Variants in KDM4E observed in about 807,000 individuals in gnomAD.
KDM4E encodes lysine-specific demethylase 4E.
For synonymous variants in KDM4E, 229 were observed against 232.9 expected, an observed-to-expected ratio of 0.98 and a Z score of 0.15; for missense variants, 576 against 642.6, an observed-to-expected ratio of 0.90 and a Z score of 1.12.
Position 95,027,390 on chromosome 11 carries a change from C to G in KDM4E, c.*312C>G. ...TTTTACGGCTCTAGGGTTCTGACTCCAACTAAGTTTTCCAGAATCTCCTGG... is the reference window on the plus strand; with the variant it reads ...TTTTACGGCTCTAGGGTTCTGACTCGAACTAAGTTTTCCAGAATCTCCTGG... On this transcript the variant is annotated 3_prime_UTR_variant, in exon 1 of 1. Coordinates refer to ENST00000450979, the MANE Select transcript of KDM4E (RefSeq NM_001161630.1). The G allele has an allele frequency of 2.8e-6, 1 of 355,982 alleles. No individual in the cohort carries two copies. The highest frequency in any genetic ancestry group is 5.3e-5 in the South Asian group (1 of 19,046). The allele number at this position is 355,982 out of a possible 1,614,324, so 22.1% of individuals were successfully genotyped here.
Position 95,025,839 on chromosome 11 carries a change from G to C in KDM4E, c.282G>C (p.Arg94Ser). The C allele has an allele frequency of 6.3e-7, 1 of 1,595,336 alleles. No homozygotes were observed. Among genetic ancestry groups the C allele is most frequent in the Non-Finnish European group, 8.5e-7 (1 of 1,176,344 alleles). Residue 94 changes from arginine (R) to serine (S), a missense_variant, in exon 1 of 1, where the codon AGG becomes AGC. By Grantham distance (110) the Arg-to-Ser change is moderately radical. Coordinates refer to ENST00000450979, the MANE Select transcript of KDM4E (RefSeq NM_001161630.1). ...ACCATAAAAAGAAGAAAGCCATGAG[G>C]GTGGGGCAGTATCGCCGCTTGGCAA... ...TQYHKKKKAMRVGQYRRLANS... is the reference protein window; with the variant it reads ...TQYHKKKKAMSVGQYRRLANS...
Position 95,027,370 on chromosome 11 carries a change from C to T in KDM4E, c.*292C>T, listed in dbSNP as rs1325064814. 2.1e-5 allele frequency: 9 copies of T among 428,618 alleles called. No individual in the cohort carries two copies. The highest frequency in any genetic ancestry group is 2.0e-4 in the East Asian group (5 of 24,528). The allele number at this position is 428,618 out of a possible 1,614,324, so 26.6% of individuals were successfully genotyped here. A position where few individuals can be genotyped will look rare whatever the true frequency, so the allele number is the denominator to read the frequency against. On this transcript the variant is annotated 3_prime_UTR_variant, in exon 1 of 1. Coordinates refer to ENST00000450979, the MANE Select transcript of KDM4E (RefSeq NM_001161630.1). ...AGGCTGTAGCAATGGACCACTTTTA[C>T]GGCTCTAGGGTTCTGACTCCAACTA...
At position 95,027,142 on chromosome 11, in the gene KDM4E, T is replaced by G; in HGVS notation, c.*64T>G. 1 of 1,506,074 alleles carries G rather than the reference T, an allele frequency of 6.6e-7. No individual in the cohort carries two copies. The highest frequency in any genetic ancestry group is 8.8e-7 in the Non-Finnish European group (1 of 1,132,490). The allele number at this position is 1,506,074 out of a possible 1,614,324, so 93.3% of individuals were successfully genotyped here. ...TGCTGTGTCCCTGATCTTCAACTCC[T>G]GGGGCCCCCACTGGATCGTGATGAA... On this transcript the variant is annotated 3_prime_UTR_variant, in exon 1 of 1. Transcript: ENST00000450979.
At position 95,027,052 on chromosome 11, in the gene KDM4E, G is replaced by C. The variant is rs1555103070; in HGVS notation, c.1495G>C (p.Asp499His). The change falls in exon 1 of 1, where the codon GAT (aspartate) becomes CAT (histidine). Residue 499 changes from aspartate (D) to histidine (H), a missense_variant. By Grantham distance (81) the Asp-to-His change is moderately conservative. Transcript: ENST00000450979. The part of the protein sequence containing the change: ...GHRPQLPLAN[D>H]LMTNLSL ...CAGGCCTCAGCTCCCGCTTGCCAATGATTTGATGACAAATCTGTCCCTTTG... is the reference window on the plus strand; with the variant it reads ...CAGGCCTCAGCTCCCGCTTGCCAATCATTTGATGACAAATCTGTCCCTTTG... 1 of 1,537,156 alleles carries C rather than the reference G, an allele frequency of 6.5e-7. No homozygotes were observed. Among genetic ancestry groups the C allele is most frequent in the East Asian group, 2.4e-5 (1 of 40,902 alleles).
In KDM4E at chr11:95,026,778, C is replaced by T. The variant is rs1555103016; in HGVS notation, c.1221C>T (p.Phe407=). The T allele has an allele frequency of 6.5e-7, 1 of 1,537,282 alleles. No individual in the cohort carries two copies. Among genetic ancestry groups the T allele is most frequent in the Admixed American group, 2.0e-5 (1 of 51,006 alleles). The stretch of plus-strand genomic sequence containing the variant: ...CTGATGCTGTGCCTGGATCCGCATT[C>T]CAAAGCTCTGCATATCATACCCAGA... ...CGTDAVPGSA[F]QSSAYHTQTQ... The change falls in exon 1 of 1, where the codon TTC becomes TTT. Residue 407 remains phenylalanine, a synonymous_variant. Transcript: ENST00000450979.
Position 95,026,874 on chromosome 11 carries a change from T to C in KDM4E, c.1317T>C (p.Arg439=), listed in dbSNP as rs1858275759. The part of the protein sequence containing the change: ...LPSTGSWGSG[R]GRGRGQGQGR... ...CCACTGGAAGCTGGGGTTCTGGTCGTGGTCGTGGTCGTGGTCAAGGTCAAG... is the reference window on the plus strand; with the variant it reads ...CCACTGGAAGCTGGGGTTCTGGTCGCGGTCGTGGTCGTGGTCAAGGTCAAG... Residue 439 remains arginine, a synonymous_variant, in exon 1 of 1, where the codon CGT becomes CGC. Transcript: ENST00000450979. 2.0e-6 allele frequency: 3 copies of C among 1,537,106 alleles called. No homozygotes were observed. Among genetic ancestry groups the C allele is most frequent in the South Asian group, 1.2e-5 (1 of 84,066 alleles).
rs1434255336 is a variant in KDM4E, at chr11:95,026,647, CT to C, written c.1092del (p.Arg365GlufsTer7). The C allele has an allele frequency of 6.5e-7, 1 of 1,537,262 alleles. No individual in the cohort carries two copies. The highest frequency in any genetic ancestry group is 1.4e-5 in the African/African-American group (1 of 73,168). ...GAGCAACTGGAGAGATGATATAGTA[CT>C]TAGAAGAGCTGCTCTGGGCCTGAGG... is the stretch of plus-strand genomic sequence containing the variant. ...ELSNWRDDIV[L>X]RRAALGLRLL... is the part of the protein sequence containing the mutation. On this transcript the variant is annotated frameshift_variant, in exon 1 of 1. Transcript: ENST00000450979. LOFTEE classifies it low-confidence loss of function (END_TRUNC).
chr11:95,025,746 C>A lies in KDM4E; in HGVS notation c.189C>A (p.Ile63=), dbSNP rs1960159. 1.9e-6 allele frequency: 3 copies of A among 1,557,290 alleles called. No homozygotes were observed. Among genetic ancestry groups the A allele is most frequent in the Non-Finnish European group, 2.6e-6 (3 of 1,159,702 alleles). ...AAGCCAGACAGATGTATGATGATAT[C>A]GAAGACATCTTAATAGCCACTCCCC... ...EWKARQMYDD[I]EDILIATPLQ... is the part of the protein sequence containing the mutation. The change falls in exon 1 of 1, where the codon ATC becomes ATA. Residue 63 remains isoleucine (I), a synonymous_variant. Coordinates refer to ENST00000450979, the MANE Select transcript of KDM4E (RefSeq NM_001161630.1).
chr11:95,025,956 T>C lies in KDM4E; in HGVS notation c.399T>C (p.Tyr133=). 1.3e-6 allele frequency: 2 copies of C among 1,580,868 alleles called. No homozygotes were observed. The highest frequency in any genetic ancestry group is 2.2e-5 in the South Asian group (2 of 88,952). ...WKSHPGNPPI[Y]GADISGSLFE... ...GCCACCCCGGTAATCCACCAATTTA[T>C]GGTGCTGATATCAGCGGCTCCTTAT... The change falls in exon 1 of 1, where the codon TAT becomes TAC. Residue 133 remains tyrosine (Y), a synonymous_variant. Coordinates refer to ENST00000450979, the MANE Select transcript of KDM4E (RefSeq NM_001161630.1).
At position 95,026,064 on chromosome 11, in the gene KDM4E, C is replaced by T. The variant is rs781935412; in HGVS notation, c.507C>T (p.Ile169=). The change falls in exon 1 of 1, where the codon ATC becomes ATT. Residue 169 remains isoleucine, a synonymous_variant. Transcript: ENST00000450979. ...TGGAGCAGGAATGTGGGGTTGTCAT[C>T]GAGGGTGTCAACACACCCTACCTGT... ...DLLEQECGVV[I]EGVNTPYLYF... is the part of the protein sequence containing the mutation. 1.2e-5 allele frequency: 20 copies of T among 1,613,128 alleles called. No homozygotes were observed. Among genetic ancestry groups the T allele is most frequent in the Admixed American group, 1.7e-5 (1 of 59,986 alleles).
rs782685216 is a variant in KDM4E, at chr11:95,026,907, T to C, written c.1350T>C (p.Gly450=). The change falls in exon 1 of 1, where the codon GGT becomes GGC. Residue 450 remains glycine, a synonymous_variant. Transcript: ENST00000450979. ...GRGRGQGQGR[G]CSRGRGHGCC... is the part of the protein sequence containing the mutation. ...GTCGTGGTCAAGGTCAAGGTCGAGG[T>C]TGCAGTCGTGGTCGTGGTCATGGTT... The C allele has an allele frequency of 1.3e-6, 2 of 1,537,146 alleles. No individual in the cohort carries two copies. Among genetic ancestry groups the C allele is most frequent in the Non-Finnish European group, 1.7e-6 (2 of 1,146,882 alleles).
chr11:95,026,596 C>T lies in KDM4E; in HGVS notation c.1039C>T (p.Pro347Ser), dbSNP rs782655121. The change falls in exon 1 of 1, where the codon CCC becomes TCC. Residue 347 changes from proline to serine, a missense_variant. By Grantham distance (74) the Pro-to-Ser change is moderately conservative (BLOSUM62 -1). Coordinates refer to ENST00000450979, the MANE Select transcript of KDM4E (RefSeq NM_001161630.1). ...CTTGGCCATTGTGGAACACACAGAG[C>T]CCAGGGTTGCAGAAAGCCAAGAGCT... ...QDLAIVEHTE[P>S]RVAESQELSN... 47 of 1,537,426 alleles carry T rather than the reference C, an allele frequency of 3.1e-5. No homozygotes were observed. Among genetic ancestry groups the T allele is most frequent in the Middle Eastern group, 1.7e-4 (1 of 6,012 alleles).
chr11:95,025,786 T>C lies in KDM4E; in HGVS notation c.229T>C (p.Ser77Pro). 3 of 1,591,324 alleles carry C rather than the reference T, an allele frequency of 1.9e-6. No individual in the cohort carries two copies. The highest frequency in any genetic ancestry group is 2.6e-6 in the Non-Finnish European group (3 of 1,174,094). Residue 77 changes from serine (S) to proline (P), a missense_variant, in exon 1 of 1, where the codon TCT (serine) becomes CCT (proline). Transcript: ENST00000450979. ...AGCCACTCCCCTCCAGCAGGTGACC[T>C]CTGGGCAGGGAGGTGTGTTTACTCA... ...LIATPLQQVT[S>P]GQGGVFTQYH...
rs782707387 is a variant in KDM4E, at chr11:95,026,468, CCT to C, written c.915_916del (p.Gln306ValfsTer2). The stretch of plus-strand genomic sequence containing the variant: ...CGATGGATTGATTATGGCAAAATGG[CCT>C]CTCAGTGTAGCTGTGGGGAGTCGAC... On this transcript the variant is annotated frameshift_variant, in exon 1 of 1. Transcript: ENST00000450979. LOFTEE classifies it low-confidence loss of function (END_TRUNC). 1 of 1,607,644 alleles carries C rather than the reference CCT, an allele frequency of 6.2e-7. No individual in the cohort carries two copies. The highest frequency in any genetic ancestry group is 1.3e-5 in the African/African-American group (1 of 75,028).
In KDM4E at chr11:95,025,426, T is replaced by C; in HGVS notation, c.-132T>C. On this transcript the variant is annotated 5_prime_UTR_variant, in exon 1 of 1. Coordinates refer to ENST00000450979, the MANE Select transcript of KDM4E (RefSeq NM_001161630.1). The stretch of plus-strand genomic sequence containing the variant: ...TCTCACTTGTTCAAAAGTCCAAGTG[T>C]GAATTACTGTCTCACAGATAAACCA... The C allele has an allele frequency of 7.5e-7, 1 of 1,331,726 alleles. No homozygotes were observed. Among genetic ancestry groups the C allele is most frequent in the Non-Finnish European group, 9.9e-7 (1 of 1,007,762 alleles). The allele number at this position is 1,331,726 out of a possible 1,614,324, so 82.5% of individuals were successfully genotyped here.
Position 95,026,538 on chromosome 11 carries a change from CGA to C in KDM4E, c.985_986del (p.Ser329LeufsTer2). 6.4e-7 allele frequency: 1 copy of C among 1,552,606 alleles called. No individual in the cohort carries two copies. The highest frequency in any genetic ancestry group is 8.7e-7 in the Non-Finnish European group (1 of 1,154,766). ...ACCCCTTTGTGCGCATTGTGCAACC[CGA>C]GAGTTATGAGCTCTGGAAACACAGG... ...MDPFVRIVQP[E>X]SYELWKHRQD... On this transcript the variant is annotated frameshift_variant, in exon 1 of 1. Transcript: ENST00000450979. LOFTEE classifies it low-confidence loss of function (END_TRUNC).
rs1555102813 is a variant in KDM4E at position 95,026,292 on chromosome 11, C to T, written c.735C>T (p.Leu245=). ...CEAFLRHKVA[L]ISPTVLKENG... ...CCTTCCTGCGGCACAAAGTGGCCCTCATCTCGCCTACAGTTCTCAAGGAAA... is the reference window on the plus strand; with the variant it reads ...CCTTCCTGCGGCACAAAGTGGCCCTTATCTCGCCTACAGTTCTCAAGGAAA... The change falls in exon 1 of 1, where the codon CTC becomes CTT. Residue 245 remains leucine (L), a synonymous_variant. Coordinates refer to ENST00000450979, the MANE Select transcript of KDM4E (RefSeq NM_001161630.1). 1 of 1,613,966 alleles carries T rather than the reference C, an allele frequency of 6.2e-7. No individual in the cohort carries two copies. The highest frequency in any genetic ancestry group is 1.7e-5 in the Admixed American group (1 of 60,008).
In KDM4E at chr11:95,026,936, G is replaced by A. The variant is rs1555103054; in HGVS notation, c.1379G>A (p.Cys460Tyr). ...GCSRGRGHGC[C>Y]TRELGTEEPT... ...AGTCGTGGTCGTGGTCATGGTTGTTGTACTCGAGAACTGGGGACTGAGGAG... is the reference window on the plus strand; with the variant it reads ...AGTCGTGGTCGTGGTCATGGTTGTTATACTCGAGAACTGGGGACTGAGGAG... The change falls in exon 1 of 1, where the codon TGT (cysteine) becomes TAT (tyrosine). Residue 460 changes from cysteine to tyrosine, a missense_variant. By Grantham distance (194) the Cys-to-Tyr change is radical. Transcript: ENST00000450979. The A allele has an allele frequency of 1.3e-6, 2 of 1,537,234 alleles. No homozygotes were observed. The highest frequency in any genetic ancestry group is 1.7e-6 in the Non-Finnish European group (2 of 1,146,908).
At position 95,026,661 on chromosome 11, in the gene KDM4E, T is replaced by C; in HGVS notation, c.1104T>C (p.Ala368=). The C allele has an allele frequency of 6.5e-7, 1 of 1,537,234 alleles. No homozygotes were observed. Among genetic ancestry groups the C allele is most frequent in the Non-Finnish European group, 8.7e-7 (1 of 1,146,902 alleles). ...ATGATATAGTACTTAGAAGAGCTGC[T>C]CTGGGCCTGAGGCTTCTCCCAAACC... is the stretch of plus-strand genomic sequence containing the variant. The part of the protein sequence containing the change: ...WRDDIVLRRA[A]LGLRLLPNLT... Residue 368 remains alanine (A), a synonymous_variant, in exon 1 of 1, where the codon GCT becomes GCC. Coordinates refer to ENST00000450979, the MANE Select transcript of KDM4E (RefSeq NM_001161630.1).
Sources: allele counts gnomAD v4.1 joint callset, GRCh38; gene constraint gnomAD v4.1.1; transcripts MANE v1.5; gene names NCBI Gene and HGNC (gene_info 2026-07-23, HGNC 2026-07-21).